NPFFR2: variants seen among roughly 807,000 people sequenced by gnomAD.
The protein encoded by NPFFR2 is G-protein coupled receptor 74.
NPFFR2 carries 15 observed loss-of-function variants against 13.1 expected under a neutral mutation model. That is an observed-to-expected ratio of 1.15 (90% confidence interval 0.77 to 1.76). The LOEUF (loss-of-function observed/expected upper bound fraction) is 1.76, where lower values mean the gene tolerates loss of function less well. Among genes scored for constraint, NPFFR2 ranks in the 40% most tolerant of loss-of-function variants. NPFFR2 has a pLI of 0.00. For missense variants in NPFFR2, 572 were observed against 503.5 expected (o/e 1.14, Z -1.30); for synonymous variants, 190 against 175.7 (o/e 1.08, Z -0.65).
At chr4:72,102,341 T>A (rs937133722) in intron 1 of NPFFR2, among the ~76,000 whole-genome samples, 6 of 152,074 alleles carry the variant, frequency 3.9e-5, no homozygotes, top group Non-Finnish European at 5.9e-5. Flanking sequence ...AATAAATTAA[T>A]ATGGCAACTT....
At chr4:72,102,911 G>A (rs1285798719) in intron 1 of NPFFR2, among the ~76,000 whole-genome samples, 1 of 151,962 alleles carries the variant, frequency 6.6e-6, no homozygotes, top group Admixed American at 6.6e-5. Context: ...TGGGTCAAGT[G>A]GTATTTCTAG....
At chr4:72,044,184 C>T (rs1416780811) in intron 1 of NPFFR2, among the ~76,000 whole-genome samples, 4 of 152,182 alleles carry the variant, frequency 2.6e-5, no homozygotes, top group Admixed American at 2.6e-4. Flanking sequence ...CCTCCCCACT[C>T]ATGCAGAATT....
intron 1 of NPFFR2, among the ~76,000 whole-genome samples, chr4:72,117,288 T>C (rs1403778126): frequency 6.6e-6 from 1 of 152,220 alleles, no homozygotes; most frequent in Non-Finnish European, 1.5e-5. Context: ...TAATTCCTTT[T>C]CTTTTTAACC....
chr4:72,055,765 A>G (rs1053876233), intron 1 of NPFFR2, among the ~76,000 whole-genome samples: 24 of 151,992 alleles, frequency 1.6e-4, no homozygotes, highest in African/African-American at 5.8e-4. Context: ...GAATGATAAG[A>G]AAGCAAAATA....
intron 1 of NPFFR2, among the ~76,000 whole-genome samples, chr4:72,041,619 T>C (rs1390270996): frequency 6.6e-6 from 1 of 152,190 alleles, no homozygotes; most frequent in South Asian, 2.1e-4. Flanking sequence ...CCACCAACAG[T>C]ATATAAGCAT....
At chr4:72,080,538 CT>C (rs1404775254) in intron 1 of NPFFR2, among the ~76,000 whole-genome samples, 1 of 152,084 alleles carries the variant, frequency 6.6e-6, no homozygotes, top group African/African-American at 2.4e-5. Flanking sequence ...TTTCATGGAC[CT>C]GCAGCTTTGA....
intron 1 of NPFFR2, among the ~76,000 whole-genome samples, chr4:72,034,372 G>A (rs750487772): frequency 5.9e-5 from 9 of 152,102 alleles, no homozygotes; most frequent in South Asian, 2.1e-4. Context: ...TCTCTTTCAC[G>A]TGATGGCACG....
At chr4:72,144,266 T>C (rs1722711560) in intron 3 of NPFFR2, among the ~76,000 whole-genome samples, 1 of 152,152 alleles carries the variant, frequency 6.6e-6, no homozygotes, top group South Asian at 2.1e-4. Flanking sequence ...TACTTGAAGG[T>C]ACCTGGACTT....
At chr4:72,096,303 T>C (rs965588117) in intron 1 of NPFFR2, among the ~76,000 whole-genome samples, 2 of 152,192 alleles carry the variant, frequency 1.3e-5, no homozygotes, top group African/African-American at 4.8e-5. Context: ...TCTTCTGCTT[T>C]TGTATTAGCA....
chr4:72,085,296 C>T (rs1157201169), intron 1 of NPFFR2, among the ~76,000 whole-genome samples: 2 of 152,074 alleles, frequency 1.3e-5, no homozygotes, highest in Non-Finnish European at 2.9e-5. Context: ...ATAGCAGTGT[C>T]AAAATCCTGT....
intron 1 of NPFFR2, among the ~76,000 whole-genome samples, chr4:72,055,006 G>T (rs1719700064): frequency 6.6e-6 from 1 of 151,832 alleles, no homozygotes; most frequent in Admixed American, 6.6e-5. Context: ...GATTTTATAT[G>T]TACATATAAT....
At chr4:72,130,172 C>A (rs1258716603) in intron 2 of NPFFR2, among the ~76,000 whole-genome samples, 6 of 152,092 alleles carry the variant, frequency 3.9e-5, no homozygotes, top group Admixed American at 3.3e-4. Context: ...ACAATCTGAT[C>A]TCTCTTGCTT....
At chr4:72,119,951 G>T (rs1445278985) in intron 1 of NPFFR2, among the ~76,000 whole-genome samples, 1 of 152,108 alleles carries the variant, frequency 6.6e-6, no homozygotes. Context: ...CCCCTGGAGA[G>T]AGGGCTGAAA....
intron 1 of NPFFR2, among the ~76,000 whole-genome samples, chr4:72,126,637 A>G (rs1188159320): frequency 1.3e-5 from 2 of 152,214 alleles, no homozygotes; most frequent in East Asian, 3.8e-4. Context: ...TATGCTGAAT[A>G]TCTACTTTCT....
chr4:72,060,369 A>G (rs1441219000), intron 1 of NPFFR2, among the ~76,000 whole-genome samples: 1 of 152,142 alleles, frequency 6.6e-6, no homozygotes, highest in East Asian at 1.9e-4. Flanking sequence ...CAATGACACC[A>G]TCTCCAGCTA....
intron 2 of NPFFR2, 32 bp downstream of exon 2, chr4:72,128,951 T>C (rs1722155087): frequency 6.7e-7 from 1 of 1,495,868 alleles, no homozygotes. Context: ...TTGAAGATAA[T>C]ATGAAATATT....
intron 3 of NPFFR2, among the ~76,000 whole-genome samples, chr4:72,139,895 A>G (rs1409440160): frequency 1.3e-5 from 2 of 152,116 alleles, no homozygotes; most frequent in African/African-American, 2.4e-5. Context: ...CATGAGCATG[A>G]ATGTTCTTCC....
chr4:72,103,438 A>G (rs1271350439), intron 1 of NPFFR2, among the ~76,000 whole-genome samples: 3 of 152,244 alleles, frequency 2.0e-5, no homozygotes, highest in Middle Eastern at 3.4e-3. Flanking sequence ...CCAGTTGCCA[A>G]TGCCTTGATC....
chr4:72,038,905 CTTTTTTTTTTT>C (rs1158358179), intron 1 of NPFFR2, among the ~76,000 whole-genome samples: 3 of 84,754 alleles, frequency 3.5e-5, no homozygotes, highest in South Asian at 8.7e-4. Context: ...AATTTCCTTT[CTTTTTTTTTTT>C]TTTTTTTTTT....
Sources: allele counts gnomAD v4.1 joint callset (sites outside exome capture counted in the v4.1 genomes callset), GRCh38; gene constraint gnomAD v4.1.1; transcripts MANE v1.5; gene names NCBI Gene and HGNC (gene_info 2026-07-23, HGNC 2026-07-21).